The following CEP68 variants were observed in gnomAD, a reference collection of about 807,000 sequenced individuals.
The protein encoded by CEP68 is centrosomal protein 68.
In CEP68, 26 loss-of-function variants were observed where a neutral mutation model predicts 55.3. That is an observed-to-expected ratio of 0.47 (90% confidence interval 0.34 to 0.65). The LOEUF is 0.65. Among genes scored for constraint, CEP68 ranks in the 30% least tolerant of loss-of-function variants. The pLI is 0.01. For missense variants in CEP68, 957 were observed against 946.7 expected (o/e 1.01, Z -0.14); for synonymous variants, 402 against 383.2 (o/e 1.05, Z -0.57).
chr2:65,070,114 G>C (rs115082042), intron 2 of CEP68, among the ~76,000 whole-genome samples: 9 of 152,178 alleles, frequency 5.9e-5, no homozygotes, highest in African/African-American at 2.2e-4. Context: ...GAGCCCTGCC[G>C]TGTTTCTGAC....
At chr2:65,077,781 C>G in intron 4 of CEP68, 87 bp from the exon 5 acceptor site, 1 of 950,134 alleles carries the variant, frequency 1.1e-6, no homozygotes, top group Non-Finnish European at 1.6e-6. Context: ...GGGAATAAGG[C>G]TTCCCTACAT....
chr2:65,062,017 A>G (rs982892097), intron 1 of CEP68, among the ~76,000 whole-genome samples: 1 of 152,226 alleles, frequency 6.6e-6, no homozygotes, highest in African/African-American at 2.4e-5. Context: ...AGGTTCTGCC[A>G]CTGTGTGTTC....
Position 65,077,934 on chromosome 2 carries a change from C to A in CEP68, c.2074C>A (p.Leu692Ile). 1 of 1,613,922 alleles carries A rather than the reference C, an allele frequency of 6.2e-7. No individual in the cohort carries two copies. The highest frequency in any genetic ancestry group is 8.5e-7 in the Non-Finnish European group (1 of 1,179,840). ...GAGTGTCTTACAGAAGGGGGAGATT[C>A]TTCTTCAGTGCCTGTTGGAGAACAC... Reference protein sequence around the residue: ...TESVLQKGEILLQCLLENTPV... With the variant: ...TESVLQKGEIILQCLLENTPV... Residue 692 changes from leucine (L) to isoleucine (I), a missense_variant, in exon 5 of 7, where the codon CTT becomes ATT. Physicochemically the swap from Leu to Ile is conservative, Grantham distance 5 (BLOSUM62 2). Coordinates refer to ENST00000377990, the MANE Select transcript of CEP68 (RefSeq NM_015147.3).
intron 1 of CEP68, among the ~76,000 whole-genome samples, chr2:65,064,803 C>A (rs1177898098): frequency 2.0e-5 from 3 of 151,964 alleles, no homozygotes; most frequent in African/African-American, 7.3e-5. Flanking sequence ...CCAGCCTTCA[C>A]CCTGGTTTTT....
Position 65,084,648 on chromosome 2 carries a change from C to G in CEP68, c.*1014C>G, listed in dbSNP as rs1668976535. The G allele has an allele frequency of 6.6e-6, 1 of 152,062 alleles. No individual in the cohort carries two copies. Among genetic ancestry groups the G allele is most frequent in the Admixed American group, 6.6e-5 (1 of 15,250 alleles). 9.4% of individuals were successfully genotyped at this position (152,062 alleles called of 1,614,324 possible). On this transcript the variant is annotated 3_prime_UTR_variant, in exon 7 of 7. Coordinates refer to ENST00000377990, the MANE Select transcript of CEP68 (RefSeq NM_015147.3). ...AAAGCACTTTTAAAGTTCTGTTGGG[C>G]CATGAATGAACCTGGAAGGAGGAAA...
Position 65,071,718 on chromosome 2 carries a change from C to T in CEP68, c.622C>T (p.Gln208Ter). The change falls in exon 3 of 7, where the codon CAG (glutamine) becomes TAG (stop). Residue 208 changes from glutamine (Q) to a stop codon, truncating the protein, a stop_gained. Coordinates refer to ENST00000377990, the MANE Select transcript of CEP68 (RefSeq NM_015147.3). LOFTEE classifies it high-confidence loss of function. ...ISASSTGSSL[Q>*]GHQERAEPRG... ...TGCTTCCTCCACAGGCAGCAGTCTC[C>T]AGGGTCACCAGGAGAGGGCGGAGCC... 1 of 1,614,106 alleles carries T rather than the reference C, an allele frequency of 6.2e-7. No homozygotes were observed. Among genetic ancestry groups the T allele is most frequent in the African/African-American group, 1.3e-5 (1 of 75,052 alleles).
intron 5 of CEP68, chr2:65,080,680 T>C: frequency 2.7e-6 from 1 of 365,500 alleles, no homozygotes. Flanking sequence ...TAGCTGGGCA[T>C]GGTGGCGGGC....
chr2:65,068,842 A>G (rs543791295), intron 1 of CEP68, among the ~76,000 whole-genome samples: 14 of 152,054 alleles, frequency 9.2e-5, no homozygotes, highest in African/African-American at 3.4e-4. Flanking sequence ...AAAAGAAAAA[A>G]AGAAAAGAAA....
intron 3 of CEP68, 116 bp from the exon 4 acceptor site, chr2:65,074,166 G>A: frequency 8.0e-7 from 1 of 1,250,584 alleles, no homozygotes; most frequent in Non-Finnish European, 1.1e-6. Context: ...AAGGAGGAGA[G>A]AGGAAACTGA....
chr2:65,082,844 A>G, intron 6 of CEP68, 135 bp downstream of exon 6: 4 of 700,978 alleles, frequency 5.7e-6, no homozygotes, highest in Non-Finnish European at 8.8e-6. Context: ...CAATGGTACT[A>G]AAAAAGGAGT....
In CEP68 at chr2:65,072,730, T is replaced by G. The variant is rs1211856408; in HGVS notation, c.1634T>G (p.Leu545Arg). ...SQSQLPPGAA[L>R]QGSGDPEGQN... ...AGCCAGCTTCCCCCTGGAGCTGCCCTCCAAGGATCTGGGGATCCTGAGGGC... is the reference window on the plus strand; with the variant it reads ...AGCCAGCTTCCCCCTGGAGCTGCCCGCCAAGGATCTGGGGATCCTGAGGGC... Residue 545 changes from leucine to arginine, a missense_variant, in exon 3 of 7, where the codon CTC becomes CGC. Coordinates refer to ENST00000377990, the MANE Select transcript of CEP68 (RefSeq NM_015147.3). 6.2e-7 allele frequency: 1 copy of G among 1,613,950 alleles called. No individual in the cohort carries two copies. Among genetic ancestry groups the G allele is most frequent in the Admixed American group, 1.7e-5 (1 of 60,000 alleles).
intron 1 of CEP68, among the ~76,000 whole-genome samples, chr2:65,062,634 G>A (rs555241589): frequency 2.4e-4 from 37 of 151,590 alleles, no homozygotes; most frequent in Non-Finnish European, 4.1e-4. Context: ...TCAGGAGTTC[G>A]AGACCAGCCT....
intron 1 of CEP68, among the ~76,000 whole-genome samples, chr2:65,065,063 C>G (rs1676098726): frequency 6.6e-6 from 1 of 152,190 alleles, no homozygotes; most frequent in African/African-American, 2.4e-5. Flanking sequence ...GTTGGGCAGT[C>G]CTGGACTTGT....
At chr2:65,074,521 T>G in intron 4 of CEP68, 117 bp downstream of exon 4, 3 of 1,424,968 alleles carry the variant, frequency 2.1e-6, no homozygotes, top group Non-Finnish European at 3.0e-6. Context: ...AGTTGACTAT[T>G]ATACCTGAAA....
chr2:65,074,589 TC>T, intron 4 of CEP68, 185 bp downstream of exon 4: 1 of 835,420 alleles, frequency 1.2e-6, no homozygotes, highest in Non-Finnish European at 1.9e-6. Context: ...ATGAATTATT[TC>T]CCAGGCCAAA....
At chr2:65,080,652 T>C in intron 5 of CEP68, 1 of 573,974 alleles carries the variant, frequency 1.7e-6, no homozygotes. Context: ...ACCCCATCTC[T>C]ACTAAAAGTA....
At position 65,069,656 on chromosome 2, in the gene CEP68, AC is replaced by A. The variant is rs1270690136; in HGVS notation, c.215del (p.Pro72LeufsTer20). The A allele has an allele frequency of 6.2e-7, 1 of 1,613,820 alleles. No individual in the cohort carries two copies. Among genetic ancestry groups the A allele is most frequent in the Non-Finnish European group, 8.5e-7 (1 of 1,180,016 alleles). On this transcript the variant is annotated frameshift_variant, in exon 2 of 7. Coordinates refer to ENST00000377990, the MANE Select transcript of CEP68 (RefSeq NM_015147.3). LOFTEE classifies it high-confidence loss of function. ...IPAPTCWIGT[D>X]PGGPSRAHQP... ...GCCCCTACTTGCTGGATTGGGACTG[AC>A]CCTGGCGGCCCCTCTAGAGCCCACC... is the stretch of plus-strand genomic sequence containing the variant.
intron 3 of CEP68, 98 bp downstream of exon 3, chr2:65,073,078 C>T: frequency 7.5e-7 from 1 of 1,338,146 alleles, no homozygotes; most frequent in South Asian, 1.2e-5. Flanking sequence ...GTTGACCAGG[C>T]ACTTTTTATG....
intron 1 of CEP68, among the ~76,000 whole-genome samples, chr2:65,065,617 T>A (rs2103757186): frequency 6.6e-6 from 1 of 152,360 alleles, no homozygotes; most frequent in Middle Eastern, 3.4e-3. Context: ...AAAACACTTT[T>A]AAATTAAATA....
Sources: gnomAD v4.1 joint callset for allele counts (sites outside exome capture counted in the v4.1 genomes callset) on GRCh38, gnomAD v4.1.1 for gene constraint, MANE v1.5 for transcripts, NCBI Gene and HGNC (gene_info 2026-07-23, HGNC 2026-07-21) for gene names.